PDS5B: variants seen among roughly 807,000 people sequenced by gnomAD.
PDS5B encodes PDS5 cohesin associated factor B.
Under a neutral mutation model 184.1 loss-of-function variants are expected in PDS5B, and 51 were observed. The observed-to-expected ratio is 0.28, with a 90% CI of 0.22 to 0.35. PDS5B has a LOEUF of 0.35. PDS5B is among the 10% of genes least tolerant of loss of function. The pLI is 1.00. For synonymous variants in PDS5B, 566 were observed against 569.2 expected, an observed-to-expected ratio of 0.99 and a Z score of 0.08; for missense variants, 1,180 against 1,723.3, an observed-to-expected ratio of 0.68 and a Z score of 5.58.
At chr13:32,616,361 G>A (rs949453335) in intron 1 of PDS5B, among the ~76,000 whole-genome samples, 13 of 151,516 alleles carry the variant, frequency 8.6e-5, no homozygotes, top group East Asian at 3.9e-4. Context: ...GGCCCCTCCC[G>A]TCTCTTTAAA....
chr13:32,687,382 C>A (rs1951427296), intron 12 of PDS5B, 97 bp downstream of exon 12: 2 of 902,438 alleles, frequency 2.2e-6, no homozygotes, highest in Admixed American at 6.7e-5. Context: ...CCTTACACTC[C>A]TTCCTCAGTT....
At chr13:32,758,326 T>A (rs1954259059) in intron 27 of PDS5B, 107 bp downstream of exon 27, 2 of 1,037,048 alleles carry the variant, frequency 1.9e-6, no homozygotes, top group Non-Finnish European at 2.7e-6. Flanking sequence ...TAATTTTTTC[T>A]ATTAGTAATT....
At chr13:32,772,463 G>T (rs1407354003) in intron 33 of PDS5B, among the ~76,000 whole-genome samples, 1 of 152,056 alleles carries the variant, frequency 6.6e-6, no homozygotes, top group Non-Finnish European at 1.5e-5. Flanking sequence ...GAATAGTAGG[G>T]GCTAGACAGG....
intron 19 of PDS5B, among the ~76,000 whole-genome samples, chr13:32,716,123 C>T (rs1161201118): frequency 4.0e-5 from 6 of 151,846 alleles, no homozygotes; most frequent in East Asian, 1.9e-4. Flanking sequence ...GGCCGCCCAT[C>T]GTCTGGGACG....
At chr13:32,703,172 G>C (rs956482487) in intron 17 of PDS5B, among the ~76,000 whole-genome samples, 1 of 152,232 alleles carries the variant, frequency 6.6e-6, no homozygotes. Context: ...GGCCTATCAA[G>C]TTTAATGTGA....
At chr13:32,727,419 T>C (rs967998450) in intron 19 of PDS5B, among the ~76,000 whole-genome samples, 5 of 152,182 alleles carry the variant, frequency 3.3e-5, no homozygotes, top group African/African-American at 1.2e-4. Flanking sequence ...TGGATGTCTA[T>C]CCATATTTTC....
intron 1 of PDS5B, among the ~76,000 whole-genome samples, chr13:32,616,728 A>C (rs1222208708): frequency 1.3e-5 from 2 of 152,218 alleles, no homozygotes; most frequent in Non-Finnish European, 2.9e-5. Context: ...CTTTTAAAAA[A>C]AAATTTGTTT....
chr13:32,613,324 C>A (rs184726690), intron 1 of PDS5B, among the ~76,000 whole-genome samples: 1 of 152,298 alleles, frequency 6.6e-6, no homozygotes, highest in East Asian at 1.9e-4. Context: ...GACTGTTTTC[C>A]AGAGCTACTG....
chr13:32,667,956 T>C, intron 7 of PDS5B, 112 bp downstream of exon 7: 1 of 521,710 alleles, frequency 1.9e-6, no homozygotes, highest in East Asian at 3.4e-5. Flanking sequence ...CAAATTTGTG[T>C]TGTTTTAACC....
chr13:32,658,858 C>G (rs965063308), intron 5 of PDS5B, among the ~76,000 whole-genome samples: 11 of 152,048 alleles, frequency 7.2e-5, no homozygotes, highest in Non-Finnish European at 1.5e-4. Flanking sequence ...GAATTAACTT[C>G]AGAGCAATTC....
At chr13:32,763,250 AT>A (rs1365862463) in intron 30 of PDS5B, among the ~76,000 whole-genome samples, 1 of 152,116 alleles carries the variant, frequency 6.6e-6, no homozygotes, top group Non-Finnish European at 1.5e-5. Flanking sequence ...CAACTGAAAG[AT>A]TTGCCAGGGA....
intron 34 of PDS5B, 67 bp from the exon 35 acceptor site, chr13:32,774,950 A>G (rs769111537): frequency 8.3e-6 from 11 of 1,321,496 alleles, no homozygotes; most frequent in Non-Finnish European, 1.2e-5. Context: ...TTAGTTAAAA[A>G]TGATTACTGC....
chr13:32,763,441 A>G (rs1954478570), intron 30 of PDS5B: 1 of 152,352 alleles, frequency 6.6e-6, no homozygotes, highest in African/African-American at 2.4e-5. Context: ...TTTTTTTTTA[A>G]GAGTAGTGAA....
At chr13:32,741,786 C>G (rs1004341118) in intron 22 of PDS5B, among the ~76,000 whole-genome samples, 1 of 150,454 alleles carries the variant, frequency 6.6e-6, no homozygotes, top group African/African-American at 2.5e-5. Flanking sequence ...TCACATTGTT[C>G]TAGCTGGAGG....
At chr13:32,744,707 T>C (rs575538756) in intron 23 of PDS5B, among the ~76,000 whole-genome samples, 1 of 152,286 alleles carries the variant, frequency 6.6e-6, no homozygotes, top group East Asian at 1.9e-4. Context: ...ATTTACTGAT[T>C]AATAGCTACT....
At position 32,688,742 on chromosome 13, in the gene PDS5B, A is replaced by G. The variant is rs78030274; in HGVS notation, c.1469+173A>G. ...TTTTTCAGAAAGTACCACTTTAAAC[A>G]TGAGACTAAGCCATTACAAGCAATT... On this transcript the variant is annotated intron_variant, in intron 13 of 34. Coordinates refer to ENST00000315596, the MANE Select transcript of PDS5B (RefSeq NM_015032.4). The G allele has an allele frequency of 2.3e-3, 1,297 of 569,210 alleles. 19 individuals carry two copies. The highest frequency in any genetic ancestry group is 0.022 in the African/African-American group (1,201 of 53,558). 35.3% of individuals were successfully genotyped at this position (569,210 alleles called of 1,614,324 possible).
chr13:32,722,371 A>G (rs1165551812), intron 19 of PDS5B, among the ~76,000 whole-genome samples: 3 of 152,194 alleles, frequency 2.0e-5, no homozygotes, highest in Non-Finnish European at 4.4e-5. Flanking sequence ...ATGGAGAGGG[A>G]GAGAGAGCAA....
At chr13:32,755,653 TACCTCA>T (rs1331922084) in intron 25 of PDS5B, among the ~76,000 whole-genome samples, 183 bp from the exon 26 acceptor site, 1 of 152,152 alleles carries the variant, frequency 6.6e-6, no homozygotes, top group Non-Finnish European at 1.5e-5. Context: ...GTTTATCATG[TACCTCA>T]ACACAGGGTA....
chr13:32,616,046 C>A (rs1281077351), intron 1 of PDS5B, among the ~76,000 whole-genome samples: 2 of 150,940 alleles, frequency 1.3e-5, no homozygotes, highest in Non-Finnish European at 3.0e-5. Context: ...TATTTTTCCT[C>A]CTCTCTCTCT....
Sources: allele counts gnomAD v4.1 joint callset (sites outside exome capture counted in the v4.1 genomes callset), GRCh38; gene constraint gnomAD v4.1.1; transcripts MANE v1.5; gene names NCBI Gene and HGNC (gene_info 2026-07-23, HGNC 2026-07-21).